The following STAT4 variants were observed in gnomAD, a reference collection of about 807,000 sequenced individuals.
The protein encoded by STAT4 is signal transducer and activator of transcription 4.
A neutral mutation model predicts 110.5 loss-of-function variants in STAT4; 42 were observed. That is an observed-to-expected ratio of 0.38 (90% confidence interval 0.30 to 0.49). The LOEUF is 0.49. Ranked by LOEUF, STAT4 falls within the 20% of genes least tolerant of loss-of-function variation. STAT4 has a pLI of 0.95. For missense variants in STAT4, 632 were observed against 887.9 expected (o/e 0.71, Z 3.66); for synonymous variants, 284 against 302.2 (o/e 0.94, Z 0.63).
chr2:191,139,051 A>T (rs1574195875), intron 3 of STAT4, among the ~76,000 whole-genome samples: 1 of 152,172 alleles, frequency 6.6e-6, no homozygotes, highest in South Asian at 2.1e-4. Context: ...AAAATCCAGC[A>T]TCCCTTTATG....
chr2:191,130,148 TA>T (rs1698992786), intron 3 of STAT4, among the ~76,000 whole-genome samples: 1 of 152,078 alleles, frequency 6.6e-6, no homozygotes, highest in African/African-American at 2.4e-5. Flanking sequence ...ATAGATAGTG[TA>T]TTGAAGTTCT....
chr2:191,041,024 A>T (rs1696183506), intron 15 of STAT4, 41 bp downstream of exon 15: 1 of 1,303,172 alleles, frequency 7.7e-7, no homozygotes, highest in Admixed American at 2.8e-5. Context: ...CAATTCTTGC[A>T]AATGCCATTA....
intron 3 of STAT4, among the ~76,000 whole-genome samples, chr2:191,103,011 A>G (rs1271168615): frequency 6.6e-6 from 1 of 152,140 alleles, no homozygotes; most frequent in Non-Finnish European, 1.5e-5. Context: ...CTTTCTCACC[A>G]TAGAATCCTT....
At position 191,107,830 on chromosome 2, in the gene STAT4, A is replaced by G. The variant is rs1003990601; in HGVS notation, c.274-31505T>C. Reference sequence around the variant, plus strand: ...TGATAGTTTTAGTTTTTCAGCAAGTATTTATTATGTGAAGAAGTCCTAACA... The same window carrying G: ...TGATAGTTTTAGTTTTTCAGCAAGTGTTTATTATGTGAAGAAGTCCTAACA... On this transcript the variant is annotated intron_variant, in intron 3 of 23. Transcript: ENST00000392320. The surrounding 1 kb of genome is among the most constrained non-coding windows in gnomAD (Gnocchi z 4.2). Among the ~76,000 whole-genome samples, 8 of 152,194 alleles carry G rather than the reference A, an allele frequency of 5.3e-5. No homozygotes were observed. The highest frequency in any genetic ancestry group is 1.0e-4 in the Non-Finnish European group (7 of 68,038).
intron 3 of STAT4, among the ~76,000 whole-genome samples, chr2:191,129,453 A>G (rs1238959023): frequency 6.6e-6 from 1 of 152,166 alleles, no homozygotes; most frequent in African/African-American, 2.4e-5. Flanking sequence ...TCTCTTTTAA[A>G]AAGTTTCAAT....
In STAT4 at chr2:191,142,270, A is replaced by G. The variant is rs1699356207; in HGVS notation, c.273+4343T>C. ...GCATACACACATATAATAGAATACT[A>G]TTTGGCCATAAAAAGAATAAAATCA... On this transcript the variant is annotated intron_variant, in intron 3 of 23. Coordinates refer to ENST00000392320, the MANE Select transcript of STAT4 (RefSeq NM_003151.4). The surrounding 1 kb of genome is among the most constrained non-coding windows in gnomAD (Gnocchi z 4.1). 6.6e-6 allele frequency among the ~76,000 whole-genome samples: 1 copy of G among 151,980 alleles called. No individual in the cohort carries two copies. The highest frequency in any genetic ancestry group is 2.4e-5 in the African/African-American group (1 of 41,360).
chr2:191,082,915 T>C lies in STAT4; in HGVS notation c.274-6590A>G, dbSNP rs977322431. 2.0e-5 allele frequency among the ~76,000 whole-genome samples: 3 copies of C among 152,120 alleles called. No homozygotes were observed. Among genetic ancestry groups the C allele is most frequent in the African/African-American group, 7.2e-5 (3 of 41,398 alleles). ...TAAAAATGTAAACACATTTGGAGGG[T>C]TAATACCACATTTAACAAATTTCTT... is the stretch of plus-strand genomic sequence containing the variant. On this transcript the variant is annotated intron_variant, in intron 3 of 23. Transcript: ENST00000392320. This position sits in a 1 kb window ranked among gnomAD's most constrained non-coding sequence, Gnocchi z 4.7.
Position 191,091,025 on chromosome 2 carries a change from CAA to C in STAT4, c.274-14702_274-14701del, listed in dbSNP as rs969420191. Among the ~76,000 whole-genome samples, 2 of 152,168 alleles carry C rather than the reference CAA, an allele frequency of 1.3e-5. No homozygotes were observed. Among genetic ancestry groups the C allele is most frequent in the Admixed American group, 1.3e-4 (2 of 15,278 alleles). On this transcript the variant is annotated intron_variant, in intron 3 of 23. Transcript: ENST00000392320. The surrounding 1 kb of genome is among the most constrained non-coding windows in gnomAD (Gnocchi z 5.4). ...AAAAGCAGCTGGAGAGCCCTTTGTACAAAGTCAGAGGACCTGGGTTGGTGGCT... is the reference window on the plus strand; with the variant it reads ...AAAAGCAGCTGGAGAGCCCTTTGTACAGTCAGAGGACCTGGGTTGGTGGCT...
At chr2:191,106,547 T>C (rs1698287066) in intron 3 of STAT4, among the ~76,000 whole-genome samples, 1 of 151,832 alleles carries the variant, frequency 6.6e-6, no homozygotes, top group Non-Finnish European at 1.5e-5. Flanking sequence ...TTCCAGCTAC[T>C]TGGGAGGCTG....
intron 1 of STAT4, among the ~76,000 whole-genome samples, chr2:191,148,457 C>A (rs1363359330): frequency 6.6e-6 from 1 of 152,132 alleles, no homozygotes; most frequent in East Asian, 1.9e-4. Context: ...AGTTTTCACT[C>A]CCACTCTGCC....
At position 191,147,759 on chromosome 2, in the gene STAT4, T is replaced by TA. The variant is rs1223275086; in HGVS notation, c.128+316dup. Among the ~76,000 whole-genome samples, 1 of 152,134 alleles carries TA rather than the reference T, an allele frequency of 6.6e-6. No individual in the cohort carries two copies. Among genetic ancestry groups the TA allele is most frequent in the East Asian group, 1.9e-4 (1 of 5,202 alleles). On this transcript the variant is annotated intron_variant, in intron 2 of 23. Coordinates refer to ENST00000392320, the MANE Select transcript of STAT4 (RefSeq NM_003151.4). The surrounding 1 kb of genome is among the most constrained non-coding windows in gnomAD (Gnocchi z 4.1). ...AGTATAAATCTTACTGAGAAAAAAA[T>TA]ATTGATTTACATTGAGTCTGTGATA...
chr2:191,074,369 C>A (rs1055600740), intron 4 of STAT4, among the ~76,000 whole-genome samples: 1 of 152,190 alleles, frequency 6.6e-6, no homozygotes, highest in Non-Finnish European at 1.5e-5. Context: ...TTCCAGTATA[C>A]CACACTCTTA....
chr2:191,066,179 C>T lies in STAT4; in HGVS notation c.630+251G>A, dbSNP rs1488688019. Among the ~76,000 whole-genome samples the T allele has an allele frequency of 6.6e-6, 1 of 152,064 alleles. No homozygotes were observed. Among genetic ancestry groups the T allele is most frequent in the Non-Finnish European group, 1.5e-5 (1 of 68,020 alleles). On this transcript the variant is annotated intron_variant, in intron 7 of 23. Transcript: ENST00000392320. This position sits in a 1 kb window ranked among gnomAD's most constrained non-coding sequence, Gnocchi z 4.3. Reference sequence around the variant, plus strand: ...AAATAAAAATTGGGTAAAATTTCCACCTTGAAATTAATGTTAGCTACAGTA... The same window carrying T: ...AAATAAAAATTGGGTAAAATTTCCATCTTGAAATTAATGTTAGCTACAGTA...
In STAT4 at chr2:191,061,793, T is replaced by C. The variant is rs775435376; in HGVS notation, c.970A>G (p.Met324Val). The change falls in exon 10 of 24, where the codon ATG becomes GTG. Residue 324 changes from methionine to valine, a missense_variant. By Grantham distance (21) the Met-to-Val change is conservative. Coordinates refer to ENST00000392320, the MANE Select transcript of STAT4 (RefSeq NM_003151.4). The surrounding 1 kb of genome is among the most constrained non-coding windows in gnomAD (Gnocchi z 6.2). The part of the protein sequence containing the change: ...NSFVVERQPC[M>V]PTHPQRPLVL... ...AACGGCCTCTGAGGGTGGGTTGGCATACATGGCTGTCGCTCAACCACAAAT... is the reference window on the plus strand; with the variant it reads ...AACGGCCTCTGAGGGTGGGTTGGCACACATGGCTGTCGCTCAACCACAAAT... The C allele has an allele frequency of 6.2e-7, 1 of 1,612,592 alleles. No individual in the cohort carries two copies. The highest frequency in any genetic ancestry group is 8.5e-7 in the Non-Finnish European group (1 of 1,179,644).
chr2:191,081,644 G>C (rs1362528472), intron 3 of STAT4, among the ~76,000 whole-genome samples: 1 of 152,000 alleles, frequency 6.6e-6, no homozygotes, highest in Non-Finnish European at 1.5e-5. Flanking sequence ...GTCTTCTTTT[G>C]GGGAAGTGTC....
chr2:191,116,627 G>A lies in STAT4; in HGVS notation c.273+29986C>T, dbSNP rs1409661955. On this transcript the variant is annotated intron_variant, in intron 3 of 23. Coordinates refer to ENST00000392320, the MANE Select transcript of STAT4 (RefSeq NM_003151.4). The surrounding 1 kb of genome is among the most constrained non-coding windows in gnomAD (Gnocchi z 4.1). ...CACTTAACTTTCTCGGTTAAAGCAGGACACCACTGAAGGCTGCTTGAAGAC... is the reference window on the plus strand; with the variant it reads ...CACTTAACTTTCTCGGTTAAAGCAGAACACCACTGAAGGCTGCTTGAAGAC... 6.6e-6 allele frequency among the ~76,000 whole-genome samples: 1 copy of A among 152,042 alleles called. No homozygotes were observed. Among genetic ancestry groups the A allele is most frequent in the Non-Finnish European group, 1.5e-5 (1 of 68,004 alleles).
At chr2:191,131,334 A>G (rs1445012746) in intron 3 of STAT4, among the ~76,000 whole-genome samples, 1 of 151,892 alleles carries the variant, frequency 6.6e-6, no homozygotes, top group Non-Finnish European at 1.5e-5. Context: ...CATCAACAGT[A>G]GAATGAATAA....
In STAT4 at chr2:191,031,758, C is replaced by G. The variant is rs556501821; in HGVS notation, c.2045-242G>C. The stretch of plus-strand genomic sequence containing the variant: ...CTAATCTGACTTTACATATTAATGC[C>G]TCTAAACTGTGTGGGAAAAATTGAG... On this transcript the variant is annotated intron_variant, in intron 21 of 23. Transcript: ENST00000392320. This position sits in a 1 kb window ranked among gnomAD's most constrained non-coding sequence, Gnocchi z 4.8. Among the ~76,000 whole-genome samples the G allele has an allele frequency of 6.6e-6, 1 of 152,284 alleles. No individual in the cohort carries two copies. The highest frequency in any genetic ancestry group is 2.1e-4 in the South Asian group (1 of 4,826).
chr2:191,100,278 G>A (rs1401205514), intron 3 of STAT4, among the ~76,000 whole-genome samples: 1 of 152,058 alleles, frequency 6.6e-6, no homozygotes, highest in African/African-American at 2.4e-5. Context: ...TATTAATACC[G>A]TCCAACTACT....
Sources: gnomAD v4.1 joint callset for allele counts (sites outside exome capture counted in the v4.1 genomes callset) on GRCh38, gnomAD v4.1.1 for gene constraint, Gnocchi (gnomAD v3.1) non-coding constraint, MANE v1.5 for transcripts, NCBI Gene and HGNC (gene_info 2026-07-23, HGNC 2026-07-21) for gene names.